Variants in MSH3 observed in about 807,000 individuals in gnomAD.
The protein encoded by MSH3 is mutS homolog 3, also known as DNA mismatch repair protein Msh3.
A neutral mutation model predicts 123.3 loss-of-function variants in MSH3; 106 were observed. The ratio of observed to expected loss-of-function variants is 0.86; its 90% CI spans 0.73 to 1.01. The LOEUF (loss-of-function observed/expected upper bound fraction) is 1.01, where lower values mean the gene tolerates loss of function less well. Ranked by LOEUF, MSH3 falls within the 50% of genes least tolerant of loss-of-function variation. MSH3 has a pLI of 0.00. For synonymous variants in MSH3, 515 were observed against 481.4 expected (o/e 1.07, Z -0.91); for missense variants, 1,459 against 1,347.6 (o/e 1.08, Z -1.29).
chr5:80,736,082 T>C (rs1743499835), intron 10 of MSH3, among the ~76,000 whole-genome samples: 2 of 151,802 alleles, frequency 1.3e-5, no homozygotes, highest in Admixed American at 6.6e-5. Context: ...AAAAATTAGC[T>C]GGGCATGATG....
chr5:80,767,569 A>G (rs974926885), intron 13 of MSH3, among the ~76,000 whole-genome samples: 29 of 152,234 alleles, frequency 1.9e-4, no homozygotes, highest in Admixed American at 5.9e-4. Context: ...GTCAATTTGT[A>G]AGAGCCTATT....
At chr5:80,731,262 A>G (rs1227592226) in intron 10 of MSH3, among the ~76,000 whole-genome samples, 1 of 152,102 alleles carries the variant, frequency 6.6e-6, no homozygotes, top group Non-Finnish European at 1.5e-5. Flanking sequence ...CAAGATGTCT[A>G]TATATACTGA....
chr5:80,762,040 C>G (rs922816414), intron 13 of MSH3, among the ~76,000 whole-genome samples: 1 of 151,604 alleles, frequency 6.6e-6, no homozygotes, highest in African/African-American at 2.4e-5. Context: ...GATCTTAGAA[C>G]AACTTATTGT....
At chr5:80,821,758 T>C (rs548015059) in intron 20 of MSH3, among the ~76,000 whole-genome samples, 8 of 152,346 alleles carry the variant, frequency 5.3e-5, no homozygotes, top group South Asian at 4.1e-4. Flanking sequence ...GGGCCACTTA[T>C]TTGTCAAAGT....
At chr5:80,825,568 TC>T (rs1745278632) in intron 20 of MSH3, among the ~76,000 whole-genome samples, 2 of 102,636 alleles carry the variant, frequency 1.9e-5, no homozygotes, top group South Asian at 8.5e-4. Context: ...CATACTCAAC[TC>T]CTAGTGCACA....
At chr5:80,826,056 C>T (rs548536818) in intron 20 of MSH3, among the ~76,000 whole-genome samples, 1 of 152,298 alleles carries the variant, frequency 6.6e-6, no homozygotes, top group South Asian at 2.1e-4. Flanking sequence ...TTAGTTTTCC[C>T]CTTCGCTTCT....
chr5:80,747,114 CTG>C (rs752191052), intron 12 of MSH3, among the ~76,000 whole-genome samples: 5 of 152,190 alleles, frequency 3.3e-5, no homozygotes, highest in Non-Finnish European at 5.9e-5. Flanking sequence ...AGATGGCTTT[CTG>C]TGGACAACAG....
intron 9 of MSH3, among the ~76,000 whole-genome samples, chr5:80,727,763 A>G (rs756111422): frequency 6.6e-6 from 1 of 152,218 alleles, no homozygotes; most frequent in Non-Finnish European, 1.5e-5. Context: ...TGAGAGATGT[A>G]CAATAAAGTA....
intron 20 of MSH3, among the ~76,000 whole-genome samples, chr5:80,831,005 A>G (rs1236199947): frequency 6.6e-6 from 1 of 152,340 alleles, no homozygotes; most frequent in African/African-American, 2.4e-5. Flanking sequence ...TTTCTATTAT[A>G]ATACACATGC....
rs575530182 is a variant in MSH3 at position 80,838,401 on chromosome 5, G to A, written c.2814-15729G>A. ...ACCTCAGTCTCCTCATTTGTACATA[G>A]GGATAAAGATCTACGTCTCATGATG... On this transcript the variant is annotated intron_variant, in intron 20 of 23. Coordinates refer to ENST00000265081, the MANE Select transcript of MSH3 (RefSeq NM_002439.5). 2.6e-5 allele frequency among the ~76,000 whole-genome samples: 4 copies of A among 152,248 alleles called. No individual in the cohort carries two copies. The East Asian group carries it at 7.7e-4, about 29-fold the overall frequency.
intron 16 of MSH3, among the ~76,000 whole-genome samples, chr5:80,778,178 C>T (rs1219368780): frequency 2.0e-5 from 3 of 152,174 alleles, no homozygotes; most frequent in African/African-American, 7.2e-5. Context: ...GGTATTTCTT[C>T]CTATCCAGAG....
chr5:80,871,992 C>G (rs566304649), intron 22 of MSH3, among the ~76,000 whole-genome samples: 17 of 152,202 alleles, frequency 1.1e-4, no homozygotes, highest in African/African-American at 3.9e-4. Flanking sequence ...TCGAGGGTTG[C>G]AGGCCAGCAA....
intron 2 of MSH3, among the ~76,000 whole-genome samples, chr5:80,664,603 A>G (rs6151607): frequency 0.011 from 1,631 of 152,260 alleles, 27 homozygotes; most frequent in African/African-American, 0.038. Flanking sequence ...AGCTTGGAGT[A>G]TGGTAGGGGT....
chr5:80,826,486 A>G (rs560394326), intron 20 of MSH3, among the ~76,000 whole-genome samples: 1 of 152,252 alleles, frequency 6.6e-6, no homozygotes, highest in East Asian at 1.9e-4. Context: ...ACTATGTGCT[A>G]TACAGTGTGC....
rs979304869 is a variant in MSH3, at chr5:80,743,162, C to T, written c.1654-1344C>T. 4.3e-4 allele frequency among the ~76,000 whole-genome samples: 66 copies of T among 152,118 alleles called. 1 individual carries two copies. The highest frequency in any genetic ancestry group is 1.1e-3 in the Admixed American group (17 of 15,270). ...AATAGGACACGTATCTGTCCCTCCT[C>T]TCTTGTCTGAGCCTGCTTCTCCAGG... is the stretch of plus-strand genomic sequence containing the variant. On this transcript the variant is annotated intron_variant, in intron 11 of 23. Coordinates refer to ENST00000265081, the MANE Select transcript of MSH3 (RefSeq NM_002439.5).
intron 17 of MSH3, 119 bp from the exon 18 acceptor site, chr5:80,787,446 A>G: frequency 1.3e-6 from 1 of 764,462 alleles, no homozygotes; most frequent in South Asian, 1.4e-5. Context: ...ACTGTTAGGA[A>G]TGCCTGCTGA....
At chr5:80,738,219 T>C (rs1359433572) in intron 10 of MSH3, among the ~76,000 whole-genome samples, 1 of 152,088 alleles carries the variant, frequency 6.6e-6, no homozygotes, top group Non-Finnish European at 1.5e-5. Flanking sequence ...ATGAAGGCTG[T>C]AAGCCTTCTA....
chr5:80,718,644 T>C (rs968499014), intron 8 of MSH3, among the ~76,000 whole-genome samples: 8 of 151,932 alleles, frequency 5.3e-5, no homozygotes, highest in Non-Finnish European at 2.9e-5. Flanking sequence ...CTTAATAAAA[T>C]TCAGGTTTTT....
chr5:80,873,049 C>G (rs1482272148), intron 22 of MSH3, 67 bp from the exon 23 acceptor site: 1 of 1,357,154 alleles, frequency 7.4e-7, no homozygotes, highest in East Asian at 2.3e-5. Context: ...ACTTACATGT[C>G]CTTTTTAATC....
Sources: gnomAD v4.1 joint callset for allele counts (sites outside exome capture counted in the v4.1 genomes callset) on GRCh38, gnomAD v4.1.1 for gene constraint, MANE v1.5 for transcripts, NCBI Gene and HGNC (gene_info 2026-07-23, HGNC 2026-07-21) for gene names.